PKIA: variants seen among roughly 807,000 people sequenced by gnomAD.
PKIA encodes the protein cAMP-dependent protein kinase inhibitor alpha, also known as PKI-alpha.
Under a neutral mutation model 7.6 loss-of-function variants are expected in PKIA, and 4 were observed. That is an observed-to-expected ratio of 0.52 (90% CI 0.26 to 1.20). The LOEUF is 1.20. PKIA is among the 50% of genes most tolerant of loss of function. The pLI, the probability that PKIA is intolerant of heterozygous loss-of-function variation, is 0.13. For synonymous variants in PKIA, 21 were observed against 30.7 expected (o/e 0.68, Z 1.04); for missense variants, 73 against 86.2 (o/e 0.85, Z 0.61).
chr8:78,549,737 A>T (rs1806934867), intron 1 of PKIA, among the ~76,000 whole-genome samples: 1 of 151,836 alleles, frequency 6.6e-6, no homozygotes, highest in Non-Finnish European at 1.5e-5. Flanking sequence ...AAAAAAAAAA[A>T]AAAAAAGTAA....
At chr8:78,570,249 C>T (rs573442799) in intron 1 of PKIA, among the ~76,000 whole-genome samples, 9 of 152,150 alleles carry the variant, frequency 5.9e-5, no homozygotes, top group Admixed American at 2.0e-4. Flanking sequence ...AATTGAACTT[C>T]TGAAACATAA....
intron 1 of PKIA, among the ~76,000 whole-genome samples, chr8:78,571,092 A>C (rs1156644734): frequency 6.6e-6 from 1 of 152,070 alleles, no homozygotes; most frequent in Non-Finnish European, 1.5e-5. Flanking sequence ...TTAGGTGTTC[A>C]GTGAGTGTTA....
intron 3 of PKIA, among the ~76,000 whole-genome samples, chr8:78,599,909 G>A (rs1362881348): frequency 6.6e-6 from 1 of 150,432 alleles, no homozygotes; most frequent in African/African-American, 2.4e-5. Flanking sequence ...CCCTAAGACT[G>A]TTTTATTTTC....
intron 1 of PKIA, among the ~76,000 whole-genome samples, chr8:78,540,495 G>T (rs1806655985): frequency 6.6e-6 from 1 of 152,096 alleles, no homozygotes; most frequent in Non-Finnish European, 1.5e-5. Flanking sequence ...AGAGATGGGA[G>T]AGGCTGTGAC....
intron 2 of PKIA, among the ~76,000 whole-genome samples, chr8:78,580,955 T>A (rs1807791881): frequency 6.6e-6 from 1 of 152,000 alleles, no homozygotes; most frequent in African/African-American, 2.4e-5. Context: ...TGTTTTCACA[T>A]GTATGTATGT....
intron 3 of PKIA, among the ~76,000 whole-genome samples, chr8:78,600,179 CTT>C (rs1437499234): frequency 1.3e-5 from 2 of 151,838 alleles, no homozygotes; most frequent in East Asian, 3.9e-4. Flanking sequence ...AAAGCAATAA[CTT>C]TGTTTATTCT....
At chr8:78,530,521 A>G (rs144897688) in intron 1 of PKIA, among the ~76,000 whole-genome samples, 6 of 151,826 alleles carry the variant, frequency 4.0e-5, no homozygotes, top group Non-Finnish European at 7.4e-5. Context: ...ATTTAATTAA[A>G]CTTTTTTTTT....
intron 2 of PKIA, among the ~76,000 whole-genome samples, chr8:78,590,620 T>G (rs1808071260): frequency 6.6e-6 from 1 of 152,032 alleles, no homozygotes; most frequent in African/African-American, 2.4e-5. Flanking sequence ...GAGTTGCAAA[T>G]GTAAATCAAT....
chr8:78,526,956 T>C (rs1806251442), intron 1 of PKIA, among the ~76,000 whole-genome samples: 2 of 152,012 alleles, frequency 1.3e-5, no homozygotes, highest in Non-Finnish European at 2.9e-5. Flanking sequence ...TATGGGCCAT[T>C]TGGGTTTTAA....
chr8:78,534,625 A>G (rs1806474147), intron 1 of PKIA: 1 of 152,164 alleles, frequency 6.6e-6, no homozygotes. Flanking sequence ...ATCAAAGATG[A>G]CTAAGACACA....
At chr8:78,553,429 T>TTCTGAG (rs71573233) in intron 1 of PKIA, among the ~76,000 whole-genome samples, 37,090 of 151,674 alleles carry the variant, frequency 0.24, 5,319 homozygotes, top group African/African-American at 0.41. Flanking sequence ...CATCTAATAA[T>TTCTGAG]TCTATGTCCA....
In PKIA at chr8:78,521,591, C is replaced by CT. The variant is rs150930015; in HGVS notation, c.-157+5130dup. Among the ~76,000 whole-genome samples the CT allele has an allele frequency of 8.0e-3, 1,216 of 151,796 alleles. 10 individuals are homozygous for CT. The highest frequency in any genetic ancestry group is 0.027 in the African/African-American group (1,121 of 41,442). ...TACCTTCTTTACATTTCCCAAATACCTTTTTTTGTACCAAAATAAGATTAT... is the reference window on the plus strand; with the variant it reads ...TACCTTCTTTACATTTCCCAAATACCTTTTTTTTGTACCAAAATAAGATTAT... On this transcript the variant is annotated intron_variant, in intron 1 of 3. Coordinates refer to ENST00000396418, the MANE Select transcript of PKIA (RefSeq NM_006823.4).
intron 2 of PKIA, among the ~76,000 whole-genome samples, chr8:78,574,955 A>G (rs963002745): frequency 2.0e-5 from 3 of 152,090 alleles, no homozygotes; most frequent in Non-Finnish European, 2.9e-5. Flanking sequence ...TAAAGTTCTC[A>G]TGTGAGAAAG....
intron 1 of PKIA, among the ~76,000 whole-genome samples, chr8:78,541,346 C>T (rs895634629): frequency 2.0e-5 from 3 of 151,990 alleles, no homozygotes; most frequent in African/African-American, 7.2e-5. Context: ...TGAAGCTAAA[C>T]CCACCTCAAA....
intron 1 of PKIA, among the ~76,000 whole-genome samples, chr8:78,542,385 T>G (rs1016285979): frequency 2.6e-5 from 4 of 152,126 alleles, no homozygotes; most frequent in Non-Finnish European, 1.5e-5. Context: ...AGCACCTATA[T>G]TCATCTATCT....
At chr8:78,561,796 C>T (rs1807291939) in intron 1 of PKIA, among the ~76,000 whole-genome samples, 2 of 152,194 alleles carry the variant, frequency 1.3e-5, no homozygotes, top group Non-Finnish European at 2.9e-5. Context: ...ACCTACCTCA[C>T]AGGGTTAATG....
chr8:78,592,434 T>C (rs753847886), intron 2 of PKIA, among the ~76,000 whole-genome samples: 1 of 152,142 alleles, frequency 6.6e-6, no homozygotes, highest in Non-Finnish European at 1.5e-5. Context: ...ATCCAGTGCT[T>C]AGTTTCTATG....
intron 1 of PKIA, among the ~76,000 whole-genome samples, chr8:78,529,644 T>C (rs1371328359): frequency 6.6e-6 from 1 of 152,062 alleles, no homozygotes; most frequent in African/African-American, 2.4e-5. Flanking sequence ...ACTTTGAATA[T>C]ATTTAGATTA....
chr8:78,557,368 G>T (rs2118498362), intron 1 of PKIA, among the ~76,000 whole-genome samples: 1 of 152,198 alleles, frequency 6.6e-6, no homozygotes, highest in African/African-American at 2.4e-5. Flanking sequence ...TATTATAGGA[G>T]AATCAAAGAG....
Sources: gnomAD v4.1 joint callset for allele counts (sites outside exome capture counted in the v4.1 genomes callset) on GRCh38, gnomAD v4.1.1 for gene constraint, MANE v1.5 for transcripts, NCBI Gene and HGNC (gene_info 2026-07-23, HGNC 2026-07-21) for gene names.